Variants in ITCH observed in about 807,000 individuals in gnomAD.
ITCH encodes E3 ubiquitin-protein ligase Itchy homolog.
Under a neutral mutation model 126.8 loss-of-function variants are expected in ITCH, and 28 were observed. The ratio of observed to expected loss-of-function variants is 0.22; its 90% CI spans 0.16 to 0.30. The LOEUF is 0.30. Among genes scored for constraint, ITCH ranks in the 10% least tolerant of loss-of-function variants. ITCH has a pLI of 1.00. For missense variants in ITCH, 631 were observed against 1,032.4 expected (o/e 0.61, Z 5.33); for synonymous variants, 342 against 340.0 (o/e 1.01, Z -0.06).
intron 11 of ITCH, 152 bp downstream of exon 11, chr20:34,445,613 G>T (rs545657239): frequency 1.6e-5 from 11 of 685,728 alleles, no homozygotes; most frequent in Non-Finnish European, 2.5e-5. Context: ...CTTGTCTGGG[G>T]TATTCTGTGT....
chr20:34,458,009 T>G (rs1047325272), intron 13 of ITCH, among the ~76,000 whole-genome samples: 1 of 152,170 alleles, frequency 6.6e-6, no homozygotes, highest in Non-Finnish European at 1.5e-5. Context: ...ATATACTTAT[T>G]AACATATATA....
intron 6 of ITCH, among the ~76,000 whole-genome samples, chr20:34,414,424 G>C (rs1190013726): frequency 1.4e-5 from 2 of 146,750 alleles, no homozygotes; most frequent in Non-Finnish European, 3.0e-5. Flanking sequence ...GTCTGTAGCA[G>C]TGTGGGGCTG....
chr20:34,478,475 T>G (rs1415824430), intron 17 of ITCH, among the ~76,000 whole-genome samples: 1 of 152,216 alleles, frequency 6.6e-6, no homozygotes, highest in African/African-American at 2.4e-5. Flanking sequence ...TGATAATATA[T>G]CACACCAGGT....
At chr20:34,476,226 TC>T (rs1464242158) in intron 16 of ITCH, 1 of 806,416 alleles carries the variant, frequency 1.2e-6, no homozygotes, top group East Asian at 2.4e-5. Flanking sequence ...CACCAACTTT[TC>T]CTTTGGTTGT....
chr20:34,425,624 C>T (rs138213014), intron 7 of ITCH, among the ~76,000 whole-genome samples: 1 of 152,330 alleles, frequency 6.6e-6, no homozygotes, highest in African/African-American at 2.4e-5. Context: ...TTACTCTTTG[C>T]TACAGTGAGA....
At position 34,475,944 on chromosome 20, in the gene ITCH, C is replaced by T. The variant is rs113766664; in HGVS notation, c.1570-1828C>T. 1.4e-3 allele frequency: 1,991 copies of T among 1,471,486 alleles called. 23 individuals carry two copies. In the African/African-American group the frequency reaches 0.014, roughly 10 times the overall value. 91.2% of individuals were successfully genotyped at this position (1,471,486 alleles called of 1,614,324 possible). A position where few individuals can be genotyped will look rare whatever the true frequency, so the allele number is the denominator to read the frequency against. Reference sequence around the variant, plus strand: ...CTAGTTCAGGAGGTCTTGCCCACATCAATGGATTGTCTGGCATCAGCCACT... The same window carrying T: ...CTAGTTCAGGAGGTCTTGCCCACATTAATGGATTGTCTGGCATCAGCCACT... On this transcript the variant is annotated intron_variant, in intron 16 of 24. Coordinates refer to ENST00000374864, the MANE Select transcript of ITCH (RefSeq NM_031483.7).
At chr20:34,396,366 C>G (rs6142157) in intron 3 of ITCH, among the ~76,000 whole-genome samples, 78,824 of 151,828 alleles carry the variant, frequency 0.52, 20,754 homozygotes, top group Admixed American at 0.63. Flanking sequence ...CACCGTTTTG[C>G]ATTCCCACTA....
intron 3 of ITCH, among the ~76,000 whole-genome samples, chr20:34,394,209 C>CAAAA (rs59876098): frequency 3.2e-4 from 20 of 62,894 alleles, no homozygotes; most frequent in African/African-American, 1.1e-3. Flanking sequence ...GAGACTGTCT[C>CAAAA]AAAAAAAAAA....
chr20:34,475,249 TG>T (rs1988081005), intron 16 of ITCH, among the ~76,000 whole-genome samples: 2 of 150,814 alleles, frequency 1.3e-5, no homozygotes, highest in African/African-American at 4.9e-5. Flanking sequence ...TTCCCAGACG[TG>T]GTGGCGGCCG....
intron 3 of ITCH, among the ~76,000 whole-genome samples, chr20:34,396,103 G>A (rs913087122): frequency 6.7e-6 from 1 of 149,022 alleles, no homozygotes; most frequent in South Asian, 2.1e-4. Flanking sequence ...GTGTGATCTC[G>A]GCTCACTGCA....
intron 13 of ITCH, among the ~76,000 whole-genome samples, chr20:34,461,078 G>T (rs999710524): frequency 1.3e-5 from 2 of 152,070 alleles, no homozygotes; most frequent in African/African-American, 4.8e-5. Flanking sequence ...GATAATATGG[G>T]ACAAAAGGAA....
intron 16 of ITCH, among the ~76,000 whole-genome samples, chr20:34,475,739 G>A (rs1203775535): frequency 2.0e-5 from 3 of 151,884 alleles, no homozygotes; most frequent in Non-Finnish European, 2.9e-5. Flanking sequence ...GGCAGAGGCA[G>A]GCAGAGGCAG....
At position 34,510,443 on chromosome 20, in the gene ITCH, A is replaced by ATTTTTTTTTTT. The variant is rs10598635; in HGVS notation, c.*2666_*2676dup. 7.9e-5 allele frequency: 5 copies of ATTTTTTTTTTT among 63,230 alleles called. No individual in the cohort carries two copies. The highest frequency in any genetic ancestry group is 2.4e-4 in the Admixed American group (1 of 4,106). The allele number at this position is 63,230 out of a possible 1,614,324, so 3.9% of individuals were successfully genotyped here. ...TTGTAAATGCTAATAAATCCTGTTA[A>ATTTTTTTTTTT]TTTTTTTTTTTTTTTTTTTTTTTTT... is the stretch of plus-strand genomic sequence containing the variant. On this transcript the variant is annotated 3_prime_UTR_variant, in exon 25 of 25. Transcript: ENST00000374864.
intron 3 of ITCH, among the ~76,000 whole-genome samples, chr20:34,406,895 C>T (rs975177527): frequency 6.6e-6 from 1 of 152,144 alleles, no homozygotes; most frequent in Non-Finnish European, 1.5e-5. Context: ...GGTTCCTTAA[C>T]TTTGATGAGC....
At chr20:34,477,957 G>A (rs1298798171) in intron 17 of ITCH, 97 bp downstream of exon 17, 2 of 1,507,436 alleles carry the variant, frequency 1.3e-6, no homozygotes, top group Non-Finnish European at 9.1e-7. Context: ...TTATATTTTA[G>A]GAAAATGAAA....
At chr20:34,461,078 G>A (rs999710524) in intron 13 of ITCH, among the ~76,000 whole-genome samples, 1 of 152,070 alleles carries the variant, frequency 6.6e-6, no homozygotes, top group African/African-American at 2.4e-5. Context: ...GATAATATGG[G>A]ACAAAAGGAA....
Position 34,456,201 on chromosome 20 carries a change from TA to T in ITCH, c.1211-1188del, listed in dbSNP as rs1985945095. 4.7e-4 allele frequency among the ~76,000 whole-genome samples: 17 copies of T among 36,428 alleles called. No homozygotes were observed. In the East Asian group the frequency reaches 5.6e-3, roughly 12 times the overall value. The allele number at this position is 36,428 out of a possible 152,430, so 23.9% of individuals were successfully genotyped here. On this transcript the variant is annotated intron_variant, in intron 12 of 24. Transcript: ENST00000374864. ...GTGTGTGTGTATATATATATATATA[TA>T]TATATATATATATTTTTTTTTTTTT...
At chr20:34,495,701 G>A (rs900251401) in intron 23 of ITCH, among the ~76,000 whole-genome samples, 1 of 152,016 alleles carries the variant, frequency 6.6e-6, no homozygotes, top group African/African-American at 2.4e-5. Context: ...GGACACATAA[G>A]TTGATTCCCT....
intron 1 of ITCH, among the ~76,000 whole-genome samples, chr20:34,363,976 C>T (rs1438153079): frequency 1.3e-5 from 2 of 152,190 alleles, no homozygotes; most frequent in Non-Finnish European, 2.9e-5. Flanking sequence ...AGACGTGGAG[C>T]TGTCACTGCC....
Sources: gnomAD v4.1 joint callset for allele counts (sites outside exome capture counted in the v4.1 genomes callset) on GRCh38, gnomAD v4.1.1 for gene constraint, MANE v1.5 for transcripts, NCBI Gene and HGNC (gene_info 2026-07-23, HGNC 2026-07-21) for gene names.